Variants in LONP2 observed in about 807,000 individuals in gnomAD.
LONP2 encodes the protein lon protease homolog 2, peroxisomal.
In LONP2, 60 loss-of-function variants were observed where a neutral mutation model predicts 85.6. The ratio of observed to expected loss-of-function variants is 0.70; its 90% CI spans 0.57 to 0.87. LONP2 has a LOEUF of 0.87. Ranked by LOEUF, LONP2 falls within the 40% of genes least tolerant of loss-of-function variation. The pLI, the probability that LONP2 is intolerant of heterozygous loss-of-function variation, is 0.00. For missense variants in LONP2, 860 were observed against 1,063.5 expected (o/e 0.81, Z 2.66); for synonymous variants, 395 against 389.7 (o/e 1.01, Z -0.16).
intron 8 of LONP2, among the ~76,000 whole-genome samples, chr16:48,285,568 T>TACG (rs961217670): frequency 6.6e-6 from 1 of 152,182 alleles, no homozygotes; most frequent in Non-Finnish European, 1.5e-5. Context: ...TCATCTCAGT[T>TACG]GACCTGTCTT....
chr16:48,345,567 C>A (rs1045702988), intron 12 of LONP2: 1 of 152,162 alleles, frequency 6.6e-6, no homozygotes, highest in African/African-American at 2.4e-5. Context: ...TGATCTCTTA[C>A]ATATAGATCG....
At chr16:48,312,832 G>C (rs1973062762) in intron 11 of LONP2, among the ~76,000 whole-genome samples, 1 of 152,210 alleles carries the variant, frequency 6.6e-6, no homozygotes, top group African/African-American at 2.4e-5. Context: ...ATTAACCTTT[G>C]TAATTCAAGA....
At chr16:48,295,700 G>A (rs1972654026) in intron 8 of LONP2, among the ~76,000 whole-genome samples, 1 of 152,170 alleles carries the variant, frequency 6.6e-6, no homozygotes, top group Non-Finnish European at 1.5e-5. Flanking sequence ...TGGTTCTGCA[G>A]GACTGGTAAC....
intron 11 of LONP2, among the ~76,000 whole-genome samples, chr16:48,310,655 T>C (rs1175230838): frequency 6.6e-6 from 1 of 152,174 alleles, no homozygotes; most frequent in Non-Finnish European, 1.5e-5. Flanking sequence ...ACCAGCCAGC[T>C]TTGTAGATTC....
chr16:48,334,729 A>G (rs1959587325), intron 12 of LONP2: 1 of 545,584 alleles, frequency 1.8e-6, no homozygotes, highest in East Asian at 4.7e-5. Flanking sequence ...CAAATATCAG[A>G]CACTGCTGGT....
chr16:48,293,497 G>A (rs1277199023), intron 8 of LONP2, among the ~76,000 whole-genome samples: 1 of 152,134 alleles, frequency 6.6e-6, no homozygotes, highest in African/African-American at 2.4e-5. Flanking sequence ...ATTAAAGGTG[G>A]TAAGGATTAC....
rs960655812 is a variant in LONP2, at chr16:48,281,786, C to T, written c.1383+4307C>T. Among the ~76,000 whole-genome samples the T allele has an allele frequency of 3.3e-5, 5 of 151,988 alleles. No individual in the cohort carries two copies. The East Asian group carries it at 5.8e-4, about 18-fold the overall frequency. On this transcript the variant is annotated intron_variant, in intron 8 of 14. Transcript: ENST00000285737. ...TTAAAACTGAAGTTCTTACTTAATT[C>T]GAATTAGATCCAGTTAGTAATTAGA...
intron 8 of LONP2, among the ~76,000 whole-genome samples, chr16:48,293,620 G>A (rs1316086090): frequency 6.6e-6 from 1 of 152,080 alleles, no homozygotes; most frequent in Non-Finnish European, 1.5e-5. Context: ...GGAAGAATTG[G>A]GGTTACGGGG....
intron 8 of LONP2, among the ~76,000 whole-genome samples, chr16:48,282,244 A>C (rs1479104751): frequency 1.3e-5 from 2 of 151,894 alleles, no homozygotes; most frequent in African/African-American, 4.8e-5. Context: ...CCCTGTCTCT[A>C]CTAAAAACCC....
At chr16:48,302,518 A>G (rs1382416084) in intron 10 of LONP2, among the ~76,000 whole-genome samples, 1 of 152,238 alleles carries the variant, frequency 6.6e-6, no homozygotes, top group Non-Finnish European at 1.5e-5. Context: ...TGGTCTGTGG[A>G]ATGACTTAAC....
intron 14 of LONP2, among the ~76,000 whole-genome samples, chr16:48,349,907 A>C (rs1960086696): frequency 6.6e-6 from 1 of 152,202 alleles, no homozygotes; most frequent in African/African-American, 2.4e-5. Context: ...CAGATTACTG[A>C]GGATAAAGCG....
chr16:48,291,063 T>C (rs1020123591), intron 8 of LONP2, among the ~76,000 whole-genome samples: 36 of 152,230 alleles, frequency 2.4e-4, no homozygotes, highest in African/African-American at 8.4e-4. Context: ...TTTTACAGTA[T>C]CATAATAGTA....
intron 11 of LONP2, among the ~76,000 whole-genome samples, chr16:48,321,718 GTA>G (rs1973268992): frequency 6.6e-6 from 1 of 152,084 alleles, no homozygotes; most frequent in South Asian, 2.1e-4. Flanking sequence ...AGTGGTATTT[GTA>G]TATCTAAACA....
chr16:48,347,790 G>C (rs988151686), intron 13 of LONP2, 76 bp downstream of exon 13: 2 of 1,350,720 alleles, frequency 1.5e-6, no homozygotes, highest in Non-Finnish European at 2.0e-6. Context: ...GCATGAGCTC[G>C]AGACTGCCAG....
downstream of LONP2, chr16:48,362,049 G>A: frequency 6.2e-7 from 1 of 1,614,154 alleles, no homozygotes; most frequent in Non-Finnish European, 8.5e-7. This position sits in a 1 kb window ranked among gnomAD's most constrained non-coding sequence, Gnocchi z 4.2. Context: ...GCACGGACAG[G>A]AATAAGGCCT....
intron 8 of LONP2, among the ~76,000 whole-genome samples, chr16:48,294,440 A>G (rs1972625370): frequency 6.6e-6 from 1 of 152,204 alleles, no homozygotes; most frequent in South Asian, 2.1e-4. Flanking sequence ...ATGTTTAACA[A>G]AATTCAGAAT....
At chr16:48,310,764 A>G (rs1250800270) in intron 11 of LONP2, among the ~76,000 whole-genome samples, 1 of 151,936 alleles carries the variant, frequency 6.6e-6, no homozygotes, top group African/African-American at 2.4e-5. Flanking sequence ...GTTTCATAAA[A>G]CTTGTGAGTT....
intron 5 of LONP2, 96 bp from the exon 6 acceptor site, chr16:48,262,682 A>T (rs1971902683): frequency 8.5e-6 from 6 of 708,114 alleles, no homozygotes; most frequent in Non-Finnish European, 1.4e-5. Context: ...AACATGCATG[A>T]TATATCTAAC....
In LONP2 at chr16:48,352,711, A is replaced by G. The variant is rs1960188907; in HGVS notation, c.*909A>G. On this transcript the variant is annotated 3_prime_UTR_variant, in exon 15 of 15. Coordinates refer to ENST00000285737, the MANE Select transcript of LONP2 (RefSeq NM_031490.5). The stretch of plus-strand genomic sequence containing the variant: ...AGCCCCTTCTTATGCTGAGGGAAGC[A>G]GCCCTCAGAACATGATAGCTTGTAT... 6.6e-6 allele frequency: 1 copy of G among 152,216 alleles called. No individual in the cohort carries two copies. The allele number at this position is 152,216 out of a possible 1,614,324, so 9.4% of individuals were successfully genotyped here. A position where few individuals can be genotyped will look rare whatever the true frequency, so the allele number is the denominator to read the frequency against.
Sources: gnomAD v4.1 joint callset for allele counts (sites outside exome capture counted in the v4.1 genomes callset) on GRCh38, gnomAD v4.1.1 for gene constraint, Gnocchi (gnomAD v3.1) non-coding constraint, MANE v1.5 for transcripts, NCBI Gene and HGNC (gene_info 2026-07-23, HGNC 2026-07-21) for gene names.